GMPS: variants seen among roughly 807,000 people sequenced by gnomAD.
GMPS encodes guanosine monophosphate synthase.
GMPS carries 15 observed loss-of-function variants against 77.9 expected under a neutral mutation model. The ratio of observed to expected loss-of-function variants is 0.19; its 90% CI spans 0.13 to 0.30. GMPS has a LOEUF of 0.30. Among genes scored for constraint, GMPS ranks in the 10% least tolerant of loss-of-function variants. The pLI, the probability that GMPS is intolerant of heterozygous loss-of-function variation, is 1.00. For synonymous variants in GMPS, 224 were observed against 275.9 expected (o/e 0.81, Z 1.86); for missense variants, 590 against 838.8 (o/e 0.70, Z 3.66).
intron 10 of GMPS, 126 bp downstream of exon 10, chr3:155,919,464 A>T: frequency 1.7e-6 from 1 of 583,110 alleles, no homozygotes. Context: ...AAAGGAAAGG[A>T]TGGTTAGGGA....
intron 1 of GMPS, among the ~76,000 whole-genome samples, chr3:155,883,098 GTC>G (rs1754248413): frequency 6.6e-6 from 1 of 152,134 alleles, no homozygotes; most frequent in African/African-American, 2.4e-5. Context: ...TTGAGACAGA[GTC>G]TCACTCTGTC....
intron 1 of GMPS, among the ~76,000 whole-genome samples, 172 bp downstream of exon 1, chr3:155,871,069 T>C (rs936810053): frequency 2.0e-5 from 3 of 152,038 alleles, no homozygotes; most frequent in African/African-American, 4.8e-5. Flanking sequence ...TGGCATGTTT[T>C]ATCTCGGGAG....
intron 1 of GMPS, among the ~76,000 whole-genome samples, chr3:155,871,115 G>T (rs958942170): frequency 6.6e-6 from 1 of 152,080 alleles, no homozygotes; most frequent in South Asian, 2.1e-4. Flanking sequence ...GCGTGTCGAG[G>T]TCCGGGCGTC....
intron 1 of GMPS, among the ~76,000 whole-genome samples, chr3:155,876,377 TAAGG>T (rs1018572728): frequency 3.3e-5 from 5 of 151,896 alleles, no homozygotes; most frequent in Non-Finnish European, 7.4e-5. Flanking sequence ...TAGAAAAGAG[TAAGG>T]AAGGATGTGT....
At chr3:155,885,564 A>G (rs1204947623) in intron 1 of GMPS, among the ~76,000 whole-genome samples, 1 of 152,192 alleles carries the variant, frequency 6.6e-6, no homozygotes, top group Non-Finnish European at 1.5e-5. Context: ...ACAGTTTTCT[A>G]AAGGCATTTT....
intron 7 of GMPS, among the ~76,000 whole-genome samples, chr3:155,912,258 T>G (rs1267099644): frequency 6.6e-6 from 1 of 152,096 alleles, no homozygotes; most frequent in Non-Finnish European, 1.5e-5. Flanking sequence ...CATAAAACAG[T>G]GTAATACCTT....
intron 2 of GMPS, among the ~76,000 whole-genome samples, chr3:155,893,984 C>T (rs1050533651): frequency 2.6e-5 from 4 of 152,162 alleles, no homozygotes; most frequent in Admixed American, 6.5e-5. Flanking sequence ...GCCATTCATT[C>T]ATTTACTTAA....
At chr3:155,905,092 A>G (rs956802643) in intron 4 of GMPS, among the ~76,000 whole-genome samples, 3 of 151,584 alleles carry the variant, frequency 2.0e-5, no homozygotes, top group Non-Finnish European at 4.4e-5. Flanking sequence ...CAAGATCTCG[A>G]CTCACTGCAA....
At chr3:155,924,696 G>T (rs1232939582) in intron 11 of GMPS, among the ~76,000 whole-genome samples, 1 of 152,068 alleles carries the variant, frequency 6.6e-6, no homozygotes, top group Non-Finnish European at 1.5e-5. Context: ...CAACTATATT[G>T]ATAACCTATA....
intron 1 of GMPS, among the ~76,000 whole-genome samples, 178 bp downstream of exon 1, chr3:155,871,075 G>C (rs1002789962): frequency 1.8e-4 from 28 of 152,042 alleles, no homozygotes; most frequent in African/African-American, 5.8e-4. Flanking sequence ...GTTTTATCTC[G>C]GGAGCGGCGA....
chr3:155,910,966 C>A, intron 6 of GMPS, 81 bp downstream of exon 6: 1 of 1,097,956 alleles, frequency 9.1e-7, no homozygotes, highest in Non-Finnish European at 1.3e-6. Context: ...CAACACAGCC[C>A]TTAAATGTTC....
intron 1 of GMPS, among the ~76,000 whole-genome samples, chr3:155,875,160 C>T (rs759048328): frequency 1.3e-4 from 19 of 151,984 alleles, no homozygotes; most frequent in Non-Finnish European, 2.2e-4. Flanking sequence ...TCAAGTGAGT[C>T]GCTCACCTTG....
chr3:155,916,129 C>T lies in GMPS; in HGVS notation c.1149C>T (p.Gly383=), dbSNP rs1182284339. ...AAAGTGCATCCCTTGTTGCAAGTGG[C>T]AAAGCTGAACTCATCAAAACCCATC... ...LIESASLVAS[G]KAELIKTHHN... is the part of the protein sequence containing the mutation. Residue 383 remains glycine (G), a synonymous_variant, in exon 9 of 16, where the codon GGC becomes GGT. Coordinates refer to ENST00000496455, the MANE Select transcript of GMPS (RefSeq NM_003875.3). 6.2e-7 allele frequency: 1 copy of T among 1,613,140 alleles called. No individual in the cohort carries two copies. Among genetic ancestry groups the T allele is most frequent in the Admixed American group, 1.7e-5 (1 of 59,964 alleles).
chr3:155,916,380 A>G (rs1298919461), intron 9 of GMPS, among the ~76,000 whole-genome samples, 188 bp downstream of exon 9: 2 of 151,894 alleles, frequency 1.3e-5, no homozygotes, highest in Non-Finnish European at 2.9e-5. Context: ...TGTTGTTGTC[A>G]TTGTCATCCT....
chr3:155,899,781 GAT>G (rs1325548841), intron 3 of GMPS, among the ~76,000 whole-genome samples: 1 of 152,082 alleles, frequency 6.6e-6, no homozygotes, highest in Non-Finnish European at 1.5e-5. Flanking sequence ...GGCAACCACT[GAT>G]ATTTTTTTAT....
chr3:155,939,304 A>G lies in GMPS; in HGVS notation c.*1612A>G, dbSNP rs1755835178. On this transcript the variant is annotated 3_prime_UTR_variant, in exon 16 of 16. Transcript: ENST00000496455. ...TGTTATTTGAAAGCTAGAATAGACA[A>G]CCTATAAAATGCTTACCAACATGTG... 1 of 215,810 alleles carries G rather than the reference A, an allele frequency of 4.6e-6. No homozygotes were observed. The highest frequency in any genetic ancestry group is 6.9e-5 in the East Asian group (1 of 14,522). 13.4% of individuals were successfully genotyped at this position (215,810 alleles called of 1,614,324 possible).
At chr3:155,872,592 A>G in intron 1 of GMPS, among the ~76,000 whole-genome samples, 1 of 152,274 alleles carries the variant, frequency 6.6e-6, no homozygotes, top group Middle Eastern at 3.4e-3. Context: ...AAAGTATAAG[A>G]TTTGTTTCCA....
chr3:155,879,503 G>T (rs956584705), intron 1 of GMPS, among the ~76,000 whole-genome samples: 1 of 151,910 alleles, frequency 6.6e-6, no homozygotes, highest in African/African-American at 2.4e-5. Context: ...CTGATCTCAG[G>T]TGATCTGCCT....
At chr3:155,872,981 A>G (rs1427582194) in intron 1 of GMPS, among the ~76,000 whole-genome samples, 4 of 152,162 alleles carry the variant, frequency 2.6e-5, no homozygotes, top group African/African-American at 7.2e-5. Context: ...TATTATGCAT[A>G]TTTCTAAGAG....
Sources: gnomAD v4.1 joint callset for allele counts (sites outside exome capture counted in the v4.1 genomes callset) on GRCh38, gnomAD v4.1.1 for gene constraint, MANE v1.5 for transcripts, NCBI Gene and HGNC (gene_info 2026-07-23, HGNC 2026-07-21) for gene names.